F5: variants seen among roughly 807,000 people sequenced by gnomAD.
The protein encoded by F5 is activated protein c cofactor.
Under a neutral mutation model 216.4 loss-of-function variants are expected in F5, and 138 were observed. The observed-to-expected ratio is 0.64, with a 90% CI of 0.56 to 0.73. The LOEUF (loss-of-function observed/expected upper bound fraction) is 0.73, where lower values mean the gene tolerates loss of function less well. Ranked by LOEUF, F5 falls within the 30% of genes least tolerant of loss-of-function variation. The pLI, the probability that F5 is intolerant of heterozygous loss-of-function variation, is 0.00. For missense variants in F5, 2,403 were observed against 2,674.0 expected (o/e 0.90, Z 2.24); for synonymous variants, 916 against 930.7 (o/e 0.98, Z 0.29).
chr1:169,565,884 G>A (rs942455051), intron 3 of F5, among the ~76,000 whole-genome samples: 3 of 152,020 alleles, frequency 2.0e-5, no homozygotes, highest in African/African-American at 7.2e-5. Context: ...TTTACTCTAG[G>A]CTGTACTTTC....
chr1:169,517,271 A>C (rs966710505), intron 23 of F5, among the ~76,000 whole-genome samples: 3 of 152,178 alleles, frequency 2.0e-5, no homozygotes, highest in African/African-American at 7.2e-5. Flanking sequence ...TAGAATTAAA[A>C]GGAAAAATCT....
chr1:169,563,684 T>G (rs1571592700), intron 3 of F5, among the ~76,000 whole-genome samples: 1 of 152,238 alleles, frequency 6.6e-6, no homozygotes, highest in East Asian at 1.9e-4. Context: ...TTCTTTTCTA[T>G]GCTTTATTTT....
At chr1:169,526,038 T>C (rs749692960) in intron 17 of F5, 21 bp from the exon 18 acceptor site, 1 of 1,523,372 alleles carries the variant, frequency 6.6e-7, no homozygotes, top group Admixed American at 1.7e-5. Context: ...AAGAACAACA[T>C]TACATTTGCA....
intron 10 of F5, among the ~76,000 whole-genome samples, chr1:169,546,892 G>T (rs1660017735): frequency 1.3e-5 from 2 of 151,522 alleles, no homozygotes; most frequent in South Asian, 4.2e-4. Context: ...CACTTTGGGA[G>T]GCCAAGGCGG....
chr1:169,562,248 G>A (rs533959514), intron 3 of F5, among the ~76,000 whole-genome samples: 1 of 151,920 alleles, frequency 6.6e-6, no homozygotes, highest in Non-Finnish European at 1.5e-5. Context: ...CTATAATTTG[G>A]CTTTTCTGTA....
At chr1:169,577,035 G>A (rs1263333372) in intron 2 of F5, among the ~76,000 whole-genome samples, 1 of 152,140 alleles carries the variant, frequency 6.6e-6, no homozygotes, top group African/African-American at 2.4e-5. Flanking sequence ...AAAACACATG[G>A]CTAAATGGTT....
rs184491565 is a variant in F5 at position 169,523,118 on chromosome 1, C to T, written c.6048+79G>A. ...ACCCAGAAAGGTATTTTTTAAAATACATAATCATTAGGTATAGTCATAATA... is the reference window on the plus strand; with the variant it reads ...ACCCAGAAAGGTATTTTTTAAAATATATAATCATTAGGTATAGTCATAATA... On this transcript the variant is annotated intron_variant, in intron 21 of 24. Transcript: ENST00000367797. The T allele has an allele frequency of 1.5e-3, 2,181 of 1,496,928 alleles. 4 individuals are homozygous for T. Among genetic ancestry groups the T allele is most frequent in the Middle Eastern group, 6.6e-3 (37 of 5,582 alleles). The allele number at this position is 1,496,928 out of a possible 1,614,324, so 92.7% of individuals were successfully genotyped here. A position where few individuals can be genotyped will look rare whatever the true frequency, so the allele number is the denominator to read the frequency against.
chr1:169,528,435 T>G (rs1365735221), intron 16 of F5, among the ~76,000 whole-genome samples: 2 of 152,134 alleles, frequency 1.3e-5, no homozygotes, highest in African/African-American at 4.8e-5. Context: ...CTACAAAAGA[T>G]AAATACAAAT....
chr1:169,524,474 G>A (rs574046269), intron 19 of F5, among the ~76,000 whole-genome samples: 18 of 152,302 alleles, frequency 1.2e-4, no homozygotes, highest in Non-Finnish European at 4.4e-5. Flanking sequence ...GGAAATGGGC[G>A]CGTGGTCATA....
chr1:169,571,175 C>T (rs1334764841), intron 3 of F5, among the ~76,000 whole-genome samples: 1 of 152,118 alleles, frequency 6.6e-6, no homozygotes, highest in East Asian at 1.9e-4. Context: ...TTACAATGAT[C>T]TGAACATCAG....
At chr1:169,536,737 T>G (rs1261703981) in intron 13 of F5, 57 bp from the exon 14 acceptor site, 4 of 1,423,196 alleles carry the variant, frequency 2.8e-6, no homozygotes, top group Non-Finnish European at 3.0e-6. Flanking sequence ...TCCCAGAATT[T>G]AGGAAATTGT....
intron 11 of F5, 77 bp from the exon 12 acceptor site, chr1:169,544,585 T>A (rs1209525409): frequency 8.4e-7 from 1 of 1,187,664 alleles, no homozygotes; most frequent in Admixed American, 1.9e-5. Flanking sequence ...CTAAGATAAA[T>A]GTCTCCATGT....
intron 1 of F5, among the ~76,000 whole-genome samples, chr1:169,582,929 A>G (rs555848263): frequency 2.6e-5 from 4 of 152,372 alleles, no homozygotes; most frequent in South Asian, 2.1e-4. Flanking sequence ...CTACTGGGGA[A>G]CATTGTGAAA....
intron 3 of F5, among the ~76,000 whole-genome samples, chr1:169,568,990 A>G (rs1660667962): frequency 6.6e-6 from 1 of 152,130 alleles, no homozygotes; most frequent in Admixed American, 6.6e-5. Flanking sequence ...AATGTAGGCA[A>G]TGGGCGAATC....
chr1:169,549,227 C>A (rs775290961), intron 10 of F5, among the ~76,000 whole-genome samples: 12 of 152,250 alleles, frequency 7.9e-5, no homozygotes, highest in Middle Eastern at 6.8e-3. Flanking sequence ...TCAATGAAGA[C>A]AAACTCAGAA....
In F5 at chr1:169,520,622, G is replaced by A. The variant is rs1659277723; in HGVS notation, c.6091C>T (p.Gln2031Ter). The change falls in exon 22 of 25, where the codon CAG (glutamine) becomes TAG (stop). Residue 2031 changes from glutamine to a stop codon, truncating the protein, a stop_gained. Coordinates refer to ENST00000367797, the MANE Select transcript of F5 (RefSeq NM_000130.5). LOFTEE classifies it high-confidence loss of function. ...NSDASTIKENQFDPPIVARYI... is the reference protein window; with the variant it reads ...NSDASTIKEN ...CTAGCCACAATAGGTGGGTCAAACTGATTCTCTTTTATTGTAGAGGCATCT... is the reference window on the plus strand; with the variant it reads ...CTAGCCACAATAGGTGGGTCAAACTAATTCTCTTTTATTGTAGAGGCATCT... 6.2e-7 allele frequency: 1 copy of A among 1,613,724 alleles called. No homozygotes were observed. Among genetic ancestry groups the A allele is most frequent in the Non-Finnish European group, 8.5e-7 (1 of 1,179,850 alleles).
chr1:169,544,361 T>C lies in F5; in HGVS notation c.1910A>G (p.His637Arg), dbSNP rs1296909055. The change falls in exon 12 of 25, where the codon CAT (histidine) becomes CGT (arginine). Residue 637 changes from histidine to arginine, a missense_variant. Physicochemically the swap from His to Arg is conservative, Grantham distance 29. Around this residue, in one of 4 missense-constraint regions of F5, gnomAD observed 1,425 missense variants for 1,554.8 expected, o/e 0.92. Transcript: ENST00000367797. ...TGHSFIYGKR[H>R]EDTLTLFPMR... ...GGGGAAGAGGGTCAAGGTGTCCTCATGCCTCTTTCCATAGATGAATGAGTG... is the reference window on the plus strand; with the variant it reads ...GGGGAAGAGGGTCAAGGTGTCCTCACGCCTCTTTCCATAGATGAATGAGTG... 6.2e-7 allele frequency: 1 copy of C among 1,614,148 alleles called. No homozygotes were observed. Among genetic ancestry groups the C allele is most frequent in the Non-Finnish European group, 8.5e-7 (1 of 1,180,012 alleles).
chr1:169,530,688 A>G (rs1659574384), intron 15 of F5, 98 bp downstream of exon 15: 1 of 1,110,774 alleles, frequency 9.0e-7, no homozygotes, highest in African/African-American at 1.5e-5. Context: ...GAAAAGCAAG[A>G]CAGACATTTG....
chr1:169,556,437 A>AAAAAAAAAAAAAAC (rs1557924006), intron 6 of F5, among the ~76,000 whole-genome samples: 1 of 147,344 alleles, frequency 6.8e-6, no homozygotes, highest in Non-Finnish European at 1.5e-5. Flanking sequence ...AAAAAAAAAA[A>AAAAAAAAAAAAAAC]AAAACCTTTG....
Sources: allele counts gnomAD v4.1 joint callset (sites outside exome capture counted in the v4.1 genomes callset), GRCh38; gene constraint gnomAD v4.1.1; regional missense constraint gnomAD v4.1.1; transcripts MANE v1.5; gene names NCBI Gene and HGNC (gene_info 2026-07-23, HGNC 2026-07-21).